EPB41: variants seen among roughly 807,000 people sequenced by gnomAD.
EPB41 encodes the protein erythrocyte membrane protein band 4.1.
Under a neutral mutation model 108.0 loss-of-function variants are expected in EPB41, and 65 were observed. The observed-to-expected ratio is 0.60, with a 90% CI of 0.49 to 0.74. EPB41 has a LOEUF of 0.74. Among genes scored for constraint, EPB41 ranks in the 30% least tolerant of loss-of-function variants. The pLI is 0.00. For missense variants in EPB41, 875 were observed against 1,037.0 expected, an observed-to-expected ratio of 0.84 and a Z score of 2.15; for synonymous variants, 336 against 358.9, an observed-to-expected ratio of 0.94 and a Z score of 0.72.
chr1:28,932,554 G>A (rs2093804412), intron 1 of EPB41, among the ~76,000 whole-genome samples: 1 of 129,518 alleles, frequency 7.7e-6, no homozygotes, highest in African/African-American at 2.9e-5. Context: ...TCATGTTATT[G>A]TTAATGTGGA....
At chr1:28,911,521 A>G (rs558292430), upstream of EPB41, among the ~76,000 whole-genome samples, 1 of 152,322 alleles carries the variant, frequency 6.6e-6, no homozygotes, top group African/African-American at 2.4e-5. Flanking sequence ...CTAGCACTTC[A>G]TGGCATAGAG....
At chr1:28,959,690 A>C (rs1157119955) in intron 1 of EPB41, among the ~76,000 whole-genome samples, 1 of 152,172 alleles carries the variant, frequency 6.6e-6, no homozygotes, top group East Asian at 1.9e-4. Context: ...TTAAATGCAG[A>C]GGTAGAGGTA....
chr1:28,999,242 C>T (rs1363061851), intron 4 of EPB41, among the ~76,000 whole-genome samples: 10 of 152,196 alleles, frequency 6.6e-5, no homozygotes, highest in Admixed American at 2.0e-4. Flanking sequence ...TGGTGGCGGG[C>T]GCCTGTAGTA....
intron 1 of EPB41, among the ~76,000 whole-genome samples, chr1:28,951,924 A>G (rs1248486210): frequency 6.6e-6 from 1 of 152,174 alleles, no homozygotes; most frequent in Non-Finnish European, 1.5e-5. Context: ...TATACTTAAG[A>G]AAACTAAGAA....
chr1:29,053,067 C>A (rs766543110), intron 11 of EPB41, 37 bp from the exon 12 acceptor site: 18 of 1,607,034 alleles, frequency 1.1e-5, no homozygotes, highest in Non-Finnish European at 1.4e-5. Context: ...GTAGCTCTGG[C>A]CTTTACTTAT....
At chr1:29,016,194 A>C (rs1424269459) in intron 6 of EPB41, among the ~76,000 whole-genome samples, 1 of 151,812 alleles carries the variant, frequency 6.6e-6, no homozygotes, top group African/African-American at 2.4e-5. Flanking sequence ...TTGTTTTTTG[A>C]GACGGAGTCT....
At chr1:28,986,177 T>G (rs1163261799) in intron 1 of EPB41, among the ~76,000 whole-genome samples, 3 of 152,142 alleles carry the variant, frequency 2.0e-5, no homozygotes, top group Non-Finnish European at 2.9e-5. Context: ...TTTTTATGGC[T>G]GCATATTTTT....
intron 7 of EPB41, among the ~76,000 whole-genome samples, chr1:29,024,187 T>C (rs1487302169): frequency 6.6e-6 from 1 of 151,188 alleles, no homozygotes; most frequent in East Asian, 1.9e-4. Context: ...ATACAAAAAT[T>C]AGCTGGGCAT....
intron 16 of EPB41, among the ~76,000 whole-genome samples, chr1:29,086,736 A>G (rs1659097715): frequency 6.6e-6 from 1 of 152,124 alleles, no homozygotes; most frequent in Non-Finnish European, 1.5e-5. Flanking sequence ...TTAATAGAGA[A>G]AGGAGTTGTT....
intron 17 of EPB41, among the ~76,000 whole-genome samples, chr1:29,108,665 C>G (rs1383994507): frequency 2.0e-5 from 3 of 151,646 alleles, no homozygotes; most frequent in Non-Finnish European, 4.4e-5. Context: ...TCAAGCATTT[C>G]TTCTGCCTCA....
intron 16 of EPB41, among the ~76,000 whole-genome samples, chr1:29,094,190 G>A (rs1192781460): frequency 2.0e-5 from 3 of 152,048 alleles, no homozygotes; most frequent in Admixed American, 2.0e-4. Flanking sequence ...TTATTTCTAG[G>A]TTCTCTATTC....
At chr1:28,971,966 G>C (rs2095506253) in intron 1 of EPB41, among the ~76,000 whole-genome samples, 1 of 151,854 alleles carries the variant, frequency 6.6e-6, no homozygotes, top group South Asian at 2.1e-4. Context: ...AGCGATCACA[G>C]CTCACTACAG....
In EPB41 at chr1:29,050,967, G is replaced by C. The variant is rs554173366; in HGVS notation, c.1637-2137G>C. Among the ~76,000 whole-genome samples, 39 of 152,030 alleles carry C rather than the reference G, an allele frequency of 2.6e-4. No homozygotes were observed. The East Asian group carries it at 7.2e-3, about 28-fold the overall frequency. On this transcript the variant is annotated intron_variant, in intron 11 of 20. Transcript: ENST00000343067. Reference sequence around the variant, plus strand: ...TGGGATTATAGGCGTGAGCCACCACGCCTGGCTGATAAAGGGGATTCTTGA... The same window carrying C: ...TGGGATTATAGGCGTGAGCCACCACCCCTGGCTGATAAAGGGGATTCTTGA...
At chr1:28,917,248 CTG>C (rs572627121) in intron 1 of EPB41, among the ~76,000 whole-genome samples, 22 of 149,466 alleles carry the variant, frequency 1.5e-4, no homozygotes, top group Non-Finnish European at 2.2e-4. Flanking sequence ...ATCTCTCTCT[CTG>C]TGTGTGTGTG....
chr1:29,104,677 G>T (rs575445041), intron 17 of EPB41, among the ~76,000 whole-genome samples: 1 of 152,000 alleles, frequency 6.6e-6, no homozygotes, highest in East Asian at 1.9e-4. Context: ...TCTGCCTTCC[G>T]GGTTCAAGCA....
At position 28,887,631 on chromosome 1, in the gene EPB41, C is replaced by CG; in HGVS notation, c.-8+424dup. 1.0e-6 allele frequency: 1 copy of CG among 985,218 alleles called. No homozygotes were observed. The highest frequency in any genetic ancestry group is 4.7e-5 in the South Asian group (1 of 21,284). 61.0% of individuals were successfully genotyped at this position (985,218 alleles called of 1,614,324 possible). On this transcript the variant is annotated intron_variant, in intron 1 of 16. Transcript: ENST00000347529. The surrounding 1 kb of genome is among the most constrained non-coding windows in gnomAD (Gnocchi z 4.9). ...TGCCGGGCCCGCAGCAGCGCTGGAG[C>CG]GGGCTGGCGGCTAGCAGCGGGAGGG...
intron 1 of EPB41, among the ~76,000 whole-genome samples, chr1:28,925,413 G>GA (rs2093390054): frequency 6.6e-6 from 1 of 152,112 alleles, no homozygotes; most frequent in South Asian, 2.1e-4. Context: ...ACCCAGCCTG[G>GA]AGCTTACATT....
At chr1:28,918,970 G>C (rs923434568) in intron 1 of EPB41, among the ~76,000 whole-genome samples, 1 of 152,138 alleles carries the variant, frequency 6.6e-6, no homozygotes, top group Non-Finnish European at 1.5e-5. Flanking sequence ...TGCACACTGG[G>C]TTAGATTAGT....
intron 11 of EPB41, among the ~76,000 whole-genome samples, chr1:29,040,430 G>GCCA (rs939908089): frequency 3.3e-5 from 5 of 151,992 alleles, no homozygotes; most frequent in African/African-American, 7.3e-5. Context: ...ACAGGCGTGT[G>GCCA]CCACCATTCC....
Sources: allele counts gnomAD v4.1 joint callset (sites outside exome capture counted in the v4.1 genomes callset), GRCh38; gene constraint gnomAD v4.1.1; non-coding constraint Gnocchi (gnomAD v3.1); transcripts MANE v1.5; gene names NCBI Gene and HGNC (gene_info 2026-07-23, HGNC 2026-07-21).